ZDHHC17: variants seen among roughly 807,000 people sequenced by gnomAD.
The protein encoded by ZDHHC17 is palmitoyltransferase ZDHHC17.
ZDHHC17 carries 40 observed loss-of-function variants against 90.3 expected under a neutral mutation model. The ratio of observed to expected loss-of-function variants is 0.44; its 90% CI spans 0.34 to 0.58. The LOEUF (loss-of-function observed/expected upper bound fraction) is 0.58, where lower values mean the gene tolerates loss of function less well. ZDHHC17 is among the 20% of genes least tolerant of loss of function. The pLI is 0.01. For missense variants in ZDHHC17, 614 were observed against 780.8 expected, an observed-to-expected ratio of 0.79 and a Z score of 2.55; for synonymous variants, 235 against 252.4, an observed-to-expected ratio of 0.93 and a Z score of 0.65.
intron 1 of ZDHHC17, among the ~76,000 whole-genome samples, chr12:76,797,181 T>G (rs1776887014): frequency 6.6e-6 from 1 of 152,036 alleles, no homozygotes; most frequent in South Asian, 2.1e-4. Context: ...GAGAATCACT[T>G]AAACCTGGGA....
intron 7 of ZDHHC17, among the ~76,000 whole-genome samples, chr12:76,818,588 C>T (rs770132525): frequency 6.6e-6 from 1 of 152,084 alleles, no homozygotes; most frequent in Non-Finnish European, 1.5e-5. Flanking sequence ...TTCAGAATTA[C>T]GTAATGAGAA....
chr12:76,842,934 G>T lies in ZDHHC17; in HGVS notation c.1282G>T (p.Ala428Ser). 3.1e-6 allele frequency: 5 copies of T among 1,610,264 alleles called. No homozygotes were observed. The highest frequency in any genetic ancestry group is 4.2e-6 in the Non-Finnish European group (5 of 1,177,748). ...EQKKKTIVEL[A>S]ETGSLDLSIF... ...TAATTCACAGACAATAGTTGAACTT[G>T]CAGAGACAGGAAGTCTGGACCTCAG... Residue 428 changes from alanine to serine, a missense_variant, in exon 12 of 17, where the codon GCA becomes TCA. Ala to Ser is a moderately conservative substitution (Grantham distance 99, BLOSUM62 1). Transcript: ENST00000426126.
chr12:76,805,811 G>A (rs187940924), intron 3 of ZDHHC17, among the ~76,000 whole-genome samples: 3 of 152,318 alleles, frequency 2.0e-5, no homozygotes, highest in East Asian at 1.9e-4. Flanking sequence ...AACTCAGGCA[G>A]TCTGACTTGG....
intron 2 of ZDHHC17, among the ~76,000 whole-genome samples, chr12:76,804,039 A>G (rs1018514667): frequency 2.0e-5 from 3 of 152,236 alleles, no homozygotes; most frequent in Admixed American, 6.5e-5. Flanking sequence ...ATACTCTCCC[A>G]GATAGGATCA....
intron 15 of ZDHHC17, 53 bp from the exon 16 acceptor site, chr12:76,849,323 C>CAAAAAAAAAAAAAAAAAAAAA (rs34062414): frequency 6.6e-6 from 3 of 454,828 alleles, no homozygotes; most frequent in African/African-American, 3.5e-5. Flanking sequence ...GGTCCTGTCT[C>CAAAAAAAAAAAAAAAAAAAAA]AAAAAAAAAA....
intron 1 of ZDHHC17, 136 bp downstream of exon 1, chr12:76,764,465 A>C (rs1342404923): frequency 1.2e-6 from 1 of 807,922 alleles, no homozygotes; most frequent in Non-Finnish European, 1.9e-6. Flanking sequence ...AGGCGAATCC[A>C]GGCCTGAGCG....
intron 1 of ZDHHC17, among the ~76,000 whole-genome samples, chr12:76,785,619 A>G (rs1189885516): frequency 6.6e-6 from 1 of 152,206 alleles, no homozygotes; most frequent in Non-Finnish European, 1.5e-5. Flanking sequence ...GCATGGGCAC[A>G]CATAATAGGT....
chr12:76,836,272 AATC>A (rs1953361534), intron 10 of ZDHHC17, among the ~76,000 whole-genome samples: 1 of 152,026 alleles, frequency 6.6e-6, no homozygotes, highest in Non-Finnish European at 1.5e-5. Context: ...GATTTTGTAA[AATC>A]ATTTTACCTG....
intron 14 of ZDHHC17, 44 bp downstream of exon 14, chr12:76,846,723 A>G (rs1167789697): frequency 1.3e-5 from 19 of 1,474,358 alleles, no homozygotes; most frequent in Non-Finnish European, 1.6e-5. Context: ...AAATTTCTGC[A>G]TACTTAGATT....
At chr12:76,836,059 T>C (rs1009760626) in intron 10 of ZDHHC17, among the ~76,000 whole-genome samples, 1 of 151,920 alleles carries the variant, frequency 6.6e-6, no homozygotes. Flanking sequence ...TAATGTCTTA[T>C]TTTTCTCTAC....
In ZDHHC17 at chr12:76,768,005, A is replaced by G. The variant is rs12315991; in HGVS notation, c.93+3676A>G. ...GTCAAAGTACATTTTTCTCATTTGT[A>G]AAGTTGGGTTAATAGTGACACCTTT... On this transcript the variant is annotated intron_variant, in intron 1 of 16. Coordinates refer to ENST00000426126, the MANE Select transcript of ZDHHC17 (RefSeq NM_015336.4). 3.7e-3 allele frequency among the ~76,000 whole-genome samples: 560 copies of G among 152,228 alleles called. 4 individuals are homozygous for G. Among genetic ancestry groups the G allele is most frequent in the African/African-American group, 0.012 (511 of 41,554 alleles).
At chr12:76,837,290 C>T (rs1269270988) in intron 10 of ZDHHC17, among the ~76,000 whole-genome samples, 2 of 152,032 alleles carry the variant, frequency 1.3e-5, no homozygotes, top group East Asian at 1.9e-4. Flanking sequence ...CATGTGCCAC[C>T]ACACCTGGCT....
At chr12:76,774,405 C>G (rs1209006233) in intron 1 of ZDHHC17, among the ~76,000 whole-genome samples, 2 of 151,986 alleles carry the variant, frequency 1.3e-5, no homozygotes, top group African/African-American at 4.8e-5. Context: ...TGAAATAACC[C>G]TAGGTGTAGA....
At chr12:76,822,260 A>G (rs1348776788) in intron 7 of ZDHHC17, 146 bp from the exon 8 acceptor site, 2 of 930,428 alleles carry the variant, frequency 2.1e-6, no homozygotes, top group African/African-American at 3.4e-5. Context: ...GAAACATGTA[A>G]TGATGCAGGT....
chr12:76,783,909 G>C (rs1162006162), intron 1 of ZDHHC17, among the ~76,000 whole-genome samples: 1 of 151,910 alleles, frequency 6.6e-6, no homozygotes, highest in South Asian at 2.1e-4. Flanking sequence ...TGTTTGCCTT[G>C]ATTATGCCAG....
intron 1 of ZDHHC17, among the ~76,000 whole-genome samples, chr12:76,772,791 C>T (rs1028718701): frequency 9.9e-5 from 15 of 151,378 alleles, no homozygotes; most frequent in Admixed American, 2.0e-4. Flanking sequence ...GTGATCCACC[C>T]GCCTCGGCCT....
chr12:76,786,945 A>G (rs1350293925), intron 1 of ZDHHC17, among the ~76,000 whole-genome samples: 1 of 152,194 alleles, frequency 6.6e-6, no homozygotes, highest in African/African-American at 2.4e-5. Context: ...CTCCTAAGAG[A>G]TAGTTTACAA....
chr12:76,785,649 G>C (rs1042288678), intron 1 of ZDHHC17, among the ~76,000 whole-genome samples: 3 of 152,190 alleles, frequency 2.0e-5, no homozygotes, highest in African/African-American at 7.2e-5. Flanking sequence ...GCCTGGGACA[G>C]GGAAGGCTAT....
At chr12:76,788,162 A>C (rs547405439) in intron 1 of ZDHHC17, among the ~76,000 whole-genome samples, 1 of 152,220 alleles carries the variant, frequency 6.6e-6, no homozygotes, top group East Asian at 1.9e-4. Flanking sequence ...GATTATCTCT[A>C]CTCTCTAGAA....
Sources: gnomAD v4.1 joint callset for allele counts (sites outside exome capture counted in the v4.1 genomes callset) on GRCh38, gnomAD v4.1.1 for gene constraint, MANE v1.5 for transcripts, NCBI Gene and HGNC (gene_info 2026-07-23, HGNC 2026-07-21) for gene names.